Variants in UNC5D observed in about 807,000 individuals in gnomAD.
The protein encoded by UNC5D is unc-5 netrin receptor D, also known as netrin receptor UNC5D.
Under a neutral mutation model 105.4 loss-of-function variants are expected in UNC5D, and 39 were observed. The ratio of observed to expected loss-of-function variants is 0.37; its 90% CI spans 0.29 to 0.48. UNC5D has a LOEUF of 0.48. UNC5D is among the 20% of genes least tolerant of loss of function. The pLI is 0.98. For synonymous variants in UNC5D, 452 were observed against 450.4 expected (o/e 1.00, Z -0.04); for missense variants, 991 against 1,202.4 (o/e 0.82, Z 2.60).
intron 4 of UNC5D, among the ~76,000 whole-genome samples, chr8:35,659,717 G>T (rs74682946): frequency 2.0e-5 from 3 of 152,204 alleles, no homozygotes; most frequent in Non-Finnish European, 2.9e-5. Context: ...CAGCAAGTGC[G>T]TGTTCCATGA....
At chr8:35,580,533 A>G (rs1386490901) in intron 3 of UNC5D, among the ~76,000 whole-genome samples, 1 of 151,440 alleles carries the variant, frequency 6.6e-6, no homozygotes, top group African/African-American at 2.4e-5. Context: ...GAAGAATCCC[A>G]TGAATAAGAC....
chr8:35,263,403 T>A (rs1438224234), intron 1 of UNC5D, among the ~76,000 whole-genome samples: 11 of 152,192 alleles, frequency 7.2e-5, no homozygotes, highest in African/African-American at 2.2e-4. Flanking sequence ...TTTTCTTAAT[T>A]AAAAGCATTT....
intron 1 of UNC5D, among the ~76,000 whole-genome samples, chr8:35,510,279 G>A (rs1716515628): frequency 6.7e-6 from 1 of 148,736 alleles, no homozygotes; most frequent in Non-Finnish European, 1.5e-5. Flanking sequence ...CTACCTAGGG[G>A]GTAGCAGTTA....
At chr8:35,622,472 G>C (rs551038346) in intron 4 of UNC5D, among the ~76,000 whole-genome samples, 15 of 152,312 alleles carry the variant, frequency 9.8e-5, no homozygotes, top group African/African-American at 3.6e-4. Context: ...TACAATCTAA[G>C]TTCCTCCTCT....
chr8:35,486,954 C>G (rs906155827), intron 1 of UNC5D, among the ~76,000 whole-genome samples: 1 of 152,134 alleles, frequency 6.6e-6, no homozygotes, highest in Non-Finnish European at 1.5e-5. Context: ...AGTTTTAAGG[C>G]TCCCAGGACA....
chr8:35,786,964 G>T (rs547065442), intron 16 of UNC5D, among the ~76,000 whole-genome samples: 2 of 152,244 alleles, frequency 1.3e-5, no homozygotes, highest in African/African-American at 4.8e-5. Context: ...TATGAAATCT[G>T]TGTGACAATC....
chr8:35,672,968 C>T (rs959464368), intron 4 of UNC5D, among the ~76,000 whole-genome samples: 1 of 152,168 alleles, frequency 6.6e-6, no homozygotes, highest in African/African-American at 2.4e-5. Flanking sequence ...CAGGCTTCTG[C>T]AGAGGGACGG....
rs75991585 is a variant in UNC5D, at chr8:35,612,014, T to C, written c.570+16357T>C. Among the ~76,000 whole-genome samples, 858 of 152,344 alleles carry C rather than the reference T, an allele frequency of 5.6e-3. 3 individuals are homozygous for C. The highest frequency in any genetic ancestry group is 0.02 in the African/African-American group (825 of 41,584). The stretch of plus-strand genomic sequence containing the variant: ...AAATCTTAACAGGTTATATTTGCCT[T>C]GGACAATAAAAGTTGCCATAAAGGC... On this transcript the variant is annotated intron_variant, in intron 4 of 16. Transcript: ENST00000404895.
chr8:35,471,324 T>C (rs1809707738), intron 1 of UNC5D, among the ~76,000 whole-genome samples: 1 of 152,128 alleles, frequency 6.6e-6, no homozygotes, highest in African/African-American at 2.4e-5. Context: ...TTGATTAAAA[T>C]ATTTCACAGG....
intron 1 of UNC5D, among the ~76,000 whole-genome samples, chr8:35,384,603 A>G (rs888190399): frequency 1.2e-4 from 19 of 152,328 alleles, no homozygotes; most frequent in African/African-American, 4.3e-4. Context: ...CCCTTGATCA[A>G]AGTTACACAT....
At chr8:35,623,039 T>C (rs752387402) in intron 4 of UNC5D, among the ~76,000 whole-genome samples, 2 of 152,200 alleles carry the variant, frequency 1.3e-5, no homozygotes, top group African/African-American at 4.8e-5. Flanking sequence ...AAGTGCTCTG[T>C]ACCAGTCAAG....
At chr8:35,731,762 G>A (rs1000585698) in intron 11 of UNC5D, among the ~76,000 whole-genome samples, 2 of 152,106 alleles carry the variant, frequency 1.3e-5, no homozygotes, top group Admixed American at 6.5e-5. Flanking sequence ...AAATACATAC[G>A]ATGATTGATT....
intron 4 of UNC5D, among the ~76,000 whole-genome samples, chr8:35,672,549 G>A (rs2131283795): frequency 6.6e-6 from 1 of 152,302 alleles, no homozygotes; most frequent in South Asian, 2.1e-4. Flanking sequence ...ATGGGAAAAA[G>A]CAAAAGTAGA....
intron 1 of UNC5D, among the ~76,000 whole-genome samples, chr8:35,510,741 G>A (rs1018277144): frequency 6.6e-6 from 1 of 152,140 alleles, no homozygotes; most frequent in African/African-American, 2.4e-5. Context: ...TAAGGAGGAA[G>A]CTTTCTACAT....
At chr8:35,778,868 A>T (rs1217819711) in intron 16 of UNC5D, among the ~76,000 whole-genome samples, 1 of 152,212 alleles carries the variant, frequency 6.6e-6, no homozygotes, top group Non-Finnish European at 1.5e-5. Context: ...TCTGAATAGG[A>T]AGGAAAAGAC....
chr8:35,235,884 C>G lies in UNC5D; in HGVS notation c.100C>G (p.Arg34Gly), dbSNP rs1281364924. The change falls in exon 1 of 17, where the codon CGA (arginine) becomes GGA (glycine). Residue 34 changes from arginine to glycine, a missense_variant. Arg to Gly is a moderately radical substitution (Grantham distance 125, BLOSUM62 -2). Transcript: ENST00000404895. ...CTGGGCGGCAGGGACCGCGGCTGCC[C>G]GAGGTAAGCGCTGGGCGGAGCGGGC... is the stretch of plus-strand genomic sequence containing the variant. ...CFWAAGTAAA[R>G]GTDNGEALPE... 6 of 1,226,412 alleles carry G rather than the reference C, an allele frequency of 4.9e-6. No individual in the cohort carries two copies. The highest frequency in any genetic ancestry group is 4.2e-5 in the South Asian group (1 of 24,068). 76.0% of individuals were successfully genotyped at this position (1,226,412 alleles called of 1,614,324 possible). A position where few individuals can be genotyped will look rare whatever the true frequency, so the allele number is the denominator to read the frequency against.
intron 7 of UNC5D, among the ~76,000 whole-genome samples, chr8:35,704,531 G>A (rs371882957): frequency 2.0e-5 from 3 of 152,260 alleles, no homozygotes; most frequent in African/African-American, 2.4e-5. Flanking sequence ...GCTCACCTTC[G>A]GGCAAACAGA....
rs11987521 is a variant in UNC5D at position 35,302,701 on chromosome 8, G to A, written c.103+66814G>A. On this transcript the variant is annotated intron_variant, in intron 1 of 16. Coordinates refer to ENST00000404895, the MANE Select transcript of UNC5D (RefSeq NM_080872.4). ...AGATCTTGTATTGCAAAGTATTAAA[G>A]AGAAAAGAAAAACTTACGGTATAGG... 2.1e-3 allele frequency among the ~76,000 whole-genome samples: 322 copies of A among 152,164 alleles called. 2 individuals are homozygous for A. The highest frequency in any genetic ancestry group is 7.2e-3 in the African/African-American group (300 of 41,526).
At chr8:35,375,718 A>G (rs1802661986) in intron 1 of UNC5D, among the ~76,000 whole-genome samples, 1 of 152,160 alleles carries the variant, frequency 6.6e-6, no homozygotes, top group African/African-American at 2.4e-5. Flanking sequence ...ATTTAGCTGC[A>G]TTTCATGGAG....
Sources: gnomAD v4.1 joint callset for allele counts (sites outside exome capture counted in the v4.1 genomes callset) on GRCh38, gnomAD v4.1.1 for gene constraint, MANE v1.5 for transcripts, NCBI Gene and HGNC (gene_info 2026-07-23, HGNC 2026-07-21) for gene names.